The following DLG2 variants were observed in gnomAD, a reference collection of about 807,000 sequenced individuals.
The protein encoded by DLG2 is disks large homolog 2.
Under a neutral mutation model 132.5 loss-of-function variants are expected in DLG2, and 45 were observed. The ratio of observed to expected loss-of-function variants is 0.34; its 90% CI spans 0.27 to 0.44. DLG2 has a LOEUF of 0.44. Among genes scored for constraint, DLG2 ranks in the 20% least tolerant of loss-of-function variants. The pLI is 1.00. For missense variants in DLG2, 1,045 were observed against 1,196.9 expected (o/e 0.87, Z 1.87); for synonymous variants, 424 against 419.6 (o/e 1.01, Z -0.13).
chr11:85,351,226 A>G (rs1233860135), intron 3 of DLG2, among the ~76,000 whole-genome samples: 1 of 152,230 alleles, frequency 6.6e-6, no homozygotes, highest in Non-Finnish European at 1.5e-5. Flanking sequence ...TTAATGGTGT[A>G]TAGGAATGCT....
At chr11:84,724,982 C>T (rs149045837) in intron 6 of DLG2, among the ~76,000 whole-genome samples, 9 of 152,260 alleles carry the variant, frequency 5.9e-5, no homozygotes, top group Admixed American at 5.2e-4. Context: ...ACATTAAAAA[C>T]ATCTTCCAGC....
intron 6 of DLG2, among the ~76,000 whole-genome samples, chr11:84,828,168 A>G (rs1330813426): frequency 1.3e-5 from 2 of 151,798 alleles, no homozygotes; most frequent in East Asian, 3.9e-4. Context: ...AGGCAGGGGC[A>G]GGAGAGAAAG....
At chr11:83,928,427 T>C (rs2154128320) in intron 15 of DLG2, among the ~76,000 whole-genome samples, 1 of 152,188 alleles carries the variant, frequency 6.6e-6, no homozygotes, top group South Asian at 2.1e-4. Context: ...GGAAGGATGC[T>C]TCAAAATCCC....
chr11:85,080,864 T>A (rs1443409649), intron 6 of DLG2, among the ~76,000 whole-genome samples: 1 of 152,142 alleles, frequency 6.6e-6, no homozygotes. Context: ...AATTTTTCTA[T>A]TTGACAAGCC....
intron 6 of DLG2, among the ~76,000 whole-genome samples, chr11:85,069,201 A>T (rs1566783310): frequency 6.6e-6 from 1 of 152,132 alleles, no homozygotes. Context: ...TAAAAATCCT[A>T]GAAGAAAACC....
intron 3 of DLG2, among the ~76,000 whole-genome samples, chr11:85,350,778 TG>T (rs1343818168): frequency 6.6e-6 from 1 of 152,370 alleles, no homozygotes; most frequent in African/African-American, 2.4e-5. Context: ...GTCTCTGTTT[TG>T]GTACCAGTAC....
At chr11:84,612,911 C>T (rs2099597881) in intron 6 of DLG2, among the ~76,000 whole-genome samples, 1 of 152,056 alleles carries the variant, frequency 6.6e-6, no homozygotes, top group Non-Finnish European at 1.5e-5. Flanking sequence ...GTCCACCTCA[C>T]AAAAAAGATT....
intron 7 of DLG2, among the ~76,000 whole-genome samples, chr11:84,392,809 T>A (rs1190210669): frequency 6.6e-6 from 1 of 152,216 alleles, no homozygotes; most frequent in East Asian, 1.9e-4. Flanking sequence ...TTAGTTACTA[T>A]AGACAGAGCT....
intron 6 of DLG2, among the ~76,000 whole-genome samples, chr11:84,792,225 G>A (rs552959086): frequency 6.6e-6 from 1 of 152,246 alleles, no homozygotes; most frequent in South Asian, 2.1e-4. Context: ...TTTATATGGT[G>A]TATCACAATG....
At chr11:83,914,041 T>C (rs1272941640) in intron 15 of DLG2, among the ~76,000 whole-genome samples, 1 of 152,120 alleles carries the variant, frequency 6.6e-6, no homozygotes, top group Non-Finnish European at 1.5e-5. Flanking sequence ...TCAAGAGATA[T>C]TAAAGATATA....
intron 2 of DLG2, among the ~76,000 whole-genome samples, chr11:85,609,211 A>G (rs540125393): frequency 1.3e-5 from 2 of 152,174 alleles, no homozygotes; most frequent in African/African-American, 4.8e-5. Context: ...AAGAAAATAT[A>G]CTCCCCTGTC....
chr11:85,324,452 A>G (rs957244274), intron 3 of DLG2, among the ~76,000 whole-genome samples: 4 of 152,166 alleles, frequency 2.6e-5, no homozygotes, highest in African/African-American at 9.7e-5. Flanking sequence ...TTTTGCCTTT[A>G]AGATTTTCAT....
chr11:84,451,335 A>G (rs2099051038), intron 7 of DLG2, among the ~76,000 whole-genome samples: 1 of 151,684 alleles, frequency 6.6e-6, no homozygotes, highest in African/African-American at 2.4e-5. Flanking sequence ...AGGCTTCTAT[A>G]TTTTCTTTGT....
chr11:83,735,078 G>A (rs2091717909), intron 18 of DLG2, among the ~76,000 whole-genome samples: 1 of 151,890 alleles, frequency 6.6e-6, no homozygotes. Flanking sequence ...TGTGTCCTCT[G>A]TTTTAAAATA....
chr11:85,273,553 A>C (rs1449287445), intron 4 of DLG2, among the ~76,000 whole-genome samples: 1 of 152,226 alleles, frequency 6.6e-6, no homozygotes, highest in Non-Finnish European at 1.5e-5. Flanking sequence ...AACCACAATG[A>C]GATACCATCT....
intron 6 of DLG2, among the ~76,000 whole-genome samples, chr11:84,934,499 T>C (rs1387709534): frequency 3.1e-5 from 4 of 129,004 alleles, no homozygotes; most frequent in Non-Finnish European, 6.4e-5. Flanking sequence ...TGTATGGTCC[T>C]GGGTGTTTTT....
In DLG2 at chr11:85,024,933, A is replaced by G. The variant is rs186707640; in HGVS notation, c.357+86728T>C. ...AACATCAGTAAGTAGATAAATAAGGAAAGTTAGAAAGTAGAATATTCCATT... is the reference window on the plus strand; with the variant it reads ...AACATCAGTAAGTAGATAAATAAGGGAAGTTAGAAAGTAGAATATTCCATT... On this transcript the variant is annotated intron_variant, in intron 6 of 27. Coordinates refer to ENST00000376104, the MANE Select transcript of DLG2 (RefSeq NM_001142699.3). 2.1e-3 allele frequency among the ~76,000 whole-genome samples: 319 copies of G among 152,318 alleles called. 1 individual carries two copies. The highest frequency in any genetic ancestry group is 7.5e-3 in the African/African-American group (311 of 41,576).
At position 83,744,658 on chromosome 11, in the gene DLG2, G is replaced by A. The variant is rs139722463; in HGVS notation, c.1825+42032C>T. ...TTCAGAATTCTGGAAATCCTCAGCA[G>A]TCTTTTAGTGTTTGGATCCGTTACC... is the stretch of plus-strand genomic sequence containing the variant. On this transcript the variant is annotated intron_variant, in intron 18 of 27. Transcript: ENST00000376104. 4.9e-4 allele frequency among the ~76,000 whole-genome samples: 74 copies of A among 152,268 alleles called. 1 individual carries two copies. Among genetic ancestry groups the A allele is most frequent in the African/African-American group, 1.8e-3 (73 of 41,558 alleles).
At chr11:84,501,506 G>A (rs998627345) in intron 7 of DLG2, among the ~76,000 whole-genome samples, 10 of 152,110 alleles carry the variant, frequency 6.6e-5, no homozygotes, top group Non-Finnish European at 1.2e-4. Flanking sequence ...ATGGACGGTG[G>A]AGTGAGCTGA....
Sources: allele counts gnomAD v4.1 joint callset (sites outside exome capture counted in the v4.1 genomes callset), GRCh38; gene constraint gnomAD v4.1.1; transcripts MANE v1.5; gene names NCBI Gene and HGNC (gene_info 2026-07-23, HGNC 2026-07-21).